Variants in VSTM4 observed in about 807,000 individuals in gnomAD.
VSTM4 encodes V-set and transmembrane domain containing 4.
VSTM4 carries 20 observed loss-of-function variants against 36.4 expected under a neutral mutation model. That is an observed-to-expected ratio of 0.55 (90% CI 0.39 to 0.80). VSTM4 has a LOEUF of 0.80. Among genes scored for constraint, VSTM4 ranks in the 30% least tolerant of loss-of-function variants. VSTM4 has a pLI of 0.00. For synonymous variants in VSTM4, 182 were observed against 173.9 expected (o/e 1.05, Z -0.37); for missense variants, 392 against 404.5 (o/e 0.97, Z 0.26).
intron 7 of VSTM4, among the ~76,000 whole-genome samples, chr10:49,044,200 C>T (rs967448041): frequency 6.6e-6 from 1 of 152,028 alleles, no homozygotes; most frequent in Admixed American, 6.6e-5. Flanking sequence ...TAGTGGCATG[C>T]ACCTGTAATA....
intron 2 of VSTM4, among the ~76,000 whole-genome samples, chr10:49,100,118 C>T (rs1488140805): frequency 6.6e-6 from 1 of 152,118 alleles, no homozygotes; most frequent in East Asian, 1.9e-4. Context: ...GATAGGTTAA[C>T]CAGTAAGGAT....
chr10:49,090,580 C>T (rs1844454835), intron 2 of VSTM4, among the ~76,000 whole-genome samples: 1 of 152,184 alleles, frequency 6.6e-6, no homozygotes, highest in African/African-American at 2.4e-5. Flanking sequence ...AGGTGCAGGA[C>T]TGGAATGATG....
At chr10:49,058,225 A>T (rs1843816145) in intron 5 of VSTM4, among the ~76,000 whole-genome samples, 1 of 152,130 alleles carries the variant, frequency 6.6e-6, no homozygotes, top group Non-Finnish European at 1.5e-5. Flanking sequence ...CCGTAAGTAG[A>T]GATGAAGCAA....
At chr10:49,025,632 C>T (rs1193603725) in intron 7 of VSTM4, among the ~76,000 whole-genome samples, 1 of 152,230 alleles carries the variant, frequency 6.6e-6, no homozygotes, top group Admixed American at 6.5e-5. Context: ...TGGTGACTGC[C>T]ATGCTGACTG....
At chr10:49,058,189 T>C (rs1366272570) in intron 5 of VSTM4, among the ~76,000 whole-genome samples, 7 of 152,286 alleles carry the variant, frequency 4.6e-5, no homozygotes, top group African/African-American at 1.7e-4. Flanking sequence ...ACTTCCCTCA[T>C]TGGCAAGTAC....
chr10:49,052,726 T>C (rs752555123), intron 5 of VSTM4, among the ~76,000 whole-genome samples: 1 of 152,188 alleles, frequency 6.6e-6, no homozygotes, highest in Non-Finnish European at 1.5e-5. Context: ...CCACTTCCTA[T>C]TCTCTTTTTG....
intron 7 of VSTM4, among the ~76,000 whole-genome samples, chr10:49,022,593 GC>G (rs1270558840): frequency 6.6e-6 from 1 of 151,954 alleles, no homozygotes; most frequent in East Asian, 1.9e-4. Flanking sequence ...CCTTCTGCTT[GC>G]CTTTTGACAC....
Position 49,019,101 on chromosome 10 carries a change from G to A in VSTM4, c.*549C>T, listed in dbSNP as rs1450083989. ...CTGCCCCTCTGGCCTTAATCTTCAG[G>A]GTTAGTGCATCTATTTAAAACAAGA... On this transcript the variant is annotated 3_prime_UTR_variant, in exon 8 of 8. Transcript: ENST00000332853. 1 of 152,154 alleles carries A rather than the reference G, an allele frequency of 6.6e-6. No homozygotes were observed. Among genetic ancestry groups the A allele is most frequent in the African/African-American group, 2.4e-5 (1 of 41,418 alleles). 9.4% of individuals were successfully genotyped at this position (152,154 alleles called of 1,614,324 possible).
chr10:49,079,655 C>T (rs1844242599), intron 3 of VSTM4, among the ~76,000 whole-genome samples: 1 of 152,192 alleles, frequency 6.6e-6, no homozygotes, highest in Non-Finnish European at 1.5e-5. Flanking sequence ...AATAGAGGAC[C>T]ACTTAGTAAG....
intron 2 of VSTM4, among the ~76,000 whole-genome samples, chr10:49,089,540 A>T (rs767661796): frequency 3.3e-5 from 5 of 152,116 alleles, no homozygotes; most frequent in Non-Finnish European, 7.4e-5. Context: ...TCCCTAATCT[A>T]TTTATGGACA....
At chr10:49,084,401 C>T (rs4437954) in intron 3 of VSTM4, among the ~76,000 whole-genome samples, 7,872 of 152,256 alleles carry the variant, frequency 0.052, 542 homozygotes, top group African/African-American at 0.15. Context: ...ACAATTAATC[C>T]TAGAGGCCTA....
chr10:49,059,527 C>G (rs185710662), intron 5 of VSTM4, among the ~76,000 whole-genome samples: 1 of 152,278 alleles, frequency 6.6e-6, no homozygotes, highest in East Asian at 1.9e-4. Context: ...AAGAGGGGCC[C>G]CAGTAGCCAG....
intron 7 of VSTM4, among the ~76,000 whole-genome samples, chr10:49,035,646 C>A (rs1407385402): frequency 3.4e-5 from 4 of 117,454 alleles, no homozygotes; most frequent in Non-Finnish European, 6.4e-5. Context: ...CCAGCCTGGG[C>A]ACATAGCGAG....
At chr10:49,042,193 T>C (rs1284909077) in intron 7 of VSTM4, among the ~76,000 whole-genome samples, 4 of 152,128 alleles carry the variant, frequency 2.6e-5, no homozygotes, top group African/African-American at 7.2e-5. Context: ...CAAGGGAAAT[T>C]GATTGTTTTA....
At chr10:49,088,606 C>T (rs1844416386) in intron 2 of VSTM4, among the ~76,000 whole-genome samples, 1 of 152,228 alleles carries the variant, frequency 6.6e-6, no homozygotes, top group South Asian at 2.1e-4. Flanking sequence ...CTAGAACCTG[C>T]ATAGCAGAGG....
intron 4 of VSTM4, among the ~76,000 whole-genome samples, chr10:49,069,402 A>C (rs535795739): frequency 6.6e-6 from 1 of 152,356 alleles, no homozygotes; most frequent in Non-Finnish European, 1.5e-5. Flanking sequence ...AAGGGGTCAC[A>C]GTACTTCATG....
rs545304633 is a variant in VSTM4, at chr10:49,051,360, C to T, written c.669-2776G>A. Among the ~76,000 whole-genome samples, 5 of 151,520 alleles carry T rather than the reference C, an allele frequency of 3.3e-5. No homozygotes were observed. The East Asian group carries it at 5.8e-4, about 18-fold the overall frequency. The stretch of plus-strand genomic sequence containing the variant: ...TAGCAATATGCAATTACCCTTCCTC[C>T]GTGACTTCTCATGGCTTGACAGCTC... On this transcript the variant is annotated intron_variant, in intron 5 of 7. Transcript: ENST00000332853.
intron 4 of VSTM4, among the ~76,000 whole-genome samples, chr10:49,073,069 G>T (rs73301000): frequency 1.3e-5 from 2 of 152,098 alleles, no homozygotes; most frequent in African/African-American, 4.8e-5. Context: ...CTTAAAACAA[G>T]GCCATATTTA....
intron 1 of VSTM4, among the ~76,000 whole-genome samples, chr10:49,111,782 G>T (rs1590143308): frequency 6.6e-6 from 1 of 152,180 alleles, no homozygotes; most frequent in African/African-American, 2.4e-5. Flanking sequence ...AGTGGGTAAG[G>T]CAGCCACTCA....
Sources: allele counts gnomAD v4.1 joint callset (sites outside exome capture counted in the v4.1 genomes callset), GRCh38; gene constraint gnomAD v4.1.1; transcripts MANE v1.5; gene names NCBI Gene and HGNC (gene_info 2026-07-23, HGNC 2026-07-21).